Variants in DST observed in about 807,000 individuals in gnomAD.
The protein encoded by DST is dystonin.
A neutral mutation model predicts 875.2 loss-of-function variants in DST; 253 were observed. The ratio of observed to expected loss-of-function variants is 0.29; its 90% CI spans 0.26 to 0.32. The LOEUF is 0.32. Ranked by LOEUF, DST falls within the 10% of genes least tolerant of loss-of-function variation. DST has a pLI of 1.00. For missense variants in DST, 8,287 were observed against 9,111.6 expected, an observed-to-expected ratio of 0.91 and a Z score of 3.68; for synonymous variants, 3,124 against 3,197.1, an observed-to-expected ratio of 0.98 and a Z score of 0.77.
At position 56,464,179 on chromosome 6, in the gene DST, A is replaced by G. The variant is rs994977593; in HGVS notation, c.22760-415T>C. 5 of 337,564 alleles carry G rather than the reference A, an allele frequency of 1.5e-5. No homozygotes were observed. The Admixed American group carries it at 2.1e-4, about 14-fold the overall frequency. The allele number at this position is 337,564 out of a possible 1,614,324, so 20.9% of individuals were successfully genotyped here. On this transcript the variant is annotated intron_variant, in intron 100 of 103. Coordinates refer to ENST00000680361, the MANE Select transcript of DST (RefSeq NM_001374736.1). ...AGGGACTGTGTCTTTTGCATGTACT[A>G]TTGAGGTAAAGAGAATGCCAGTATT...
chr6:56,669,228 T>C (rs16888106), intron 10 of DST, among the ~76,000 whole-genome samples: 20,653 of 150,324 alleles, frequency 0.14, 3,274 homozygotes, highest in African/African-American at 0.39. Context: ...AATTTAATGA[T>C]GTCATAGCTT....
intron 54 of DST, among the ~76,000 whole-genome samples, chr6:56,569,030 A>C (rs2097729323): frequency 6.6e-6 from 1 of 152,144 alleles, no homozygotes; most frequent in Admixed American, 6.5e-5. Flanking sequence ...TACTTTTAAA[A>C]ACACACACAC....
intron 3 of DST, among the ~76,000 whole-genome samples, chr6:56,852,367 G>A (rs953932254): frequency 4.6e-5 from 7 of 152,222 alleles, no homozygotes; most frequent in Non-Finnish European, 8.8e-5. Flanking sequence ...TAATGTAAAT[G>A]AGAATGATGC....
In DST at chr6:56,592,282, A is replaced by T. The variant is rs750794928; in HGVS notation, c.12803T>A (p.Leu4268His). The change falls in exon 49 of 104, where the codon CTT (leucine) becomes CAT (histidine). Residue 4268 changes from leucine to histidine, a missense_variant. Around this residue, in one of 10 missense-constraint regions of DST, gnomAD observed 1,513 missense variants for 1,677.8 expected, o/e 0.90. Transcript: ENST00000680361. ...GGCCTCACAGGCCTGGAGTCCAGCA[A>T]GAAGTCCACATGAAGCATCTTCATA... ...QHYEDASCGLLAGLQACEATA... is the reference protein window; with the variant it reads ...QHYEDASCGLHAGLQACEATA... 1.2e-5 allele frequency: 19 copies of T among 1,612,052 alleles called. No homozygotes were observed. The highest frequency in any genetic ancestry group is 1.6e-5 in the Non-Finnish European group (19 of 1,178,992).
intron 49 of DST, among the ~76,000 whole-genome samples, chr6:56,587,028 T>G (rs543562858): frequency 1.3e-5 from 2 of 152,204 alleles, no homozygotes; most frequent in Admixed American, 1.3e-4. Context: ...AGGAACACAG[T>G]TCCTCACCAG....
chr6:56,740,056 A>C (rs867679901), intron 4 of DST, among the ~76,000 whole-genome samples: 1 of 152,172 alleles, frequency 6.6e-6, no homozygotes, highest in African/African-American at 2.4e-5. Context: ...GGGTTTCGCC[A>C]TGTTAGCCAG....
intron 4 of DST, among the ~76,000 whole-genome samples, chr6:56,800,852 C>T (rs2099745797): frequency 6.6e-6 from 1 of 151,954 alleles, no homozygotes; most frequent in African/African-American, 2.4e-5. Context: ...AACCCCATCT[C>T]TCCAAAAAAT....
intron 39 of DST, 47 bp downstream of exon 39, chr6:56,610,380 A>G (rs1311501192): frequency 7.0e-7 from 1 of 1,433,166 alleles, no homozygotes; most frequent in Non-Finnish European, 9.3e-7. Flanking sequence ...CCATGCAATC[A>G]AACTAAGCTT....
chr6:56,909,449 T>C (rs927040158), intron 2 of DST, among the ~76,000 whole-genome samples: 1 of 152,246 alleles, frequency 6.6e-6, no homozygotes, highest in African/African-American at 2.4e-5. Flanking sequence ...GAAGCAACCA[T>C]GCTTCCAGCA....
intron 61 of DST, among the ~76,000 whole-genome samples, chr6:56,546,347 C>CAT (rs10617867): frequency 0.056 from 4,044 of 72,226 alleles, 133 homozygotes; most frequent in East Asian, 0.097. Flanking sequence ...ATACATATTT[C>CAT]ATATATATAT....
chr6:56,574,696 T>G (rs993313612), intron 50 of DST, among the ~76,000 whole-genome samples: 8 of 152,144 alleles, frequency 5.3e-5, no homozygotes, highest in African/African-American at 1.9e-4. Flanking sequence ...AAGCCCTACA[T>G]GTTAACATCC....
chr6:56,750,798 T>G (rs2152951696), intron 4 of DST, among the ~76,000 whole-genome samples: 1 of 152,324 alleles, frequency 6.6e-6, no homozygotes, highest in Admixed American at 6.5e-5. Context: ...GAGATAGCAC[T>G]GATGGGAGAC....
intron 4 of DST, among the ~76,000 whole-genome samples, chr6:56,844,885 A>AAAAAAAAC (rs1430621941): frequency 6.6e-6 from 1 of 151,866 alleles, no homozygotes. Context: ...AAAAAAAAAA[A>AAAAAAAAC]CAGTGAAGTC....
chr6:56,706,426 ACT>A (rs1361484170), intron 5 of DST, among the ~76,000 whole-genome samples: 2 of 152,066 alleles, frequency 1.3e-5, no homozygotes, highest in Non-Finnish European at 2.9e-5. Context: ...TGAAATGACA[ACT>A]CTCTCAACTT....
At chr6:56,523,168 C>T (rs1203639709) in intron 69 of DST, among the ~76,000 whole-genome samples, 2 of 151,894 alleles carry the variant, frequency 1.3e-5, no homozygotes, top group Non-Finnish European at 2.9e-5. Flanking sequence ...ATATCAATGC[C>T]CGCAAATCTA....
At chr6:56,888,046 G>A (rs1410023964) in intron 3 of DST, among the ~76,000 whole-genome samples, 2 of 151,648 alleles carry the variant, frequency 1.3e-5, no homozygotes, top group African/African-American at 4.9e-5. Flanking sequence ...TGCCTCCCGG[G>A]TTCAAGCGAT....
chr6:56,780,156 T>C (rs1425099906), intron 4 of DST, among the ~76,000 whole-genome samples: 1 of 151,934 alleles, frequency 6.6e-6, no homozygotes, highest in Non-Finnish European at 1.5e-5. Flanking sequence ...TCCAAGTCTT[T>C]GCTATTGTGA....
intron 4 of DST, among the ~76,000 whole-genome samples, chr6:56,849,054 A>G (rs915999904): frequency 3.3e-5 from 5 of 151,802 alleles, no homozygotes; most frequent in African/African-American, 1.2e-4. Context: ...AAATAAATTA[A>G]TTAAATTAAA....
chr6:56,529,947 C>A lies in DST; in HGVS notation c.17268+27G>T, dbSNP rs1259513459. 4 of 1,608,194 alleles carry A rather than the reference C, an allele frequency of 2.5e-6. No individual in the cohort carries two copies. In the African/African-American group the frequency reaches 4.0e-5, roughly 16 times the overall value. Reference sequence around the variant, plus strand: ...CAAAACCACACAATAAAAACTGAACCTCGCTAATGTGTGATTTATATCTTA... The same window carrying A: ...CAAAACCACACAATAAAAACTGAACATCGCTAATGTGTGATTTATATCTTA... On this transcript the variant is annotated intron_variant, in intron 65 of 103. Transcript: ENST00000680361.
Sources: allele counts gnomAD v4.1 joint callset (sites outside exome capture counted in the v4.1 genomes callset), GRCh38; gene constraint gnomAD v4.1.1; regional missense constraint gnomAD v4.1.1; transcripts MANE v1.5; gene names NCBI Gene and HGNC (gene_info 2026-07-23, HGNC 2026-07-21).